The following NEXMIF variants were observed in gnomAD, a reference collection of about 807,000 sequenced individuals.
The protein encoded by NEXMIF is XLMR protein related to neurite extension.
NEXMIF carries 8 observed loss-of-function variants against 62.1 expected under a neutral mutation model. The ratio of observed to expected loss-of-function variants is 0.13; its 90% CI spans 0.08 to 0.23. The LOEUF is 0.23. Among genes scored for constraint, NEXMIF ranks in the 10% least tolerant of loss-of-function variants. The pLI is 1.00. For missense variants in NEXMIF, 976 were observed against 1,113.3 expected (o/e 0.88, Z 1.75); for synonymous variants, 404 against 416.6 (o/e 0.97, Z 0.37).
At chrX:74,905,660 A>G (rs1407079349) in intron 1 of NEXMIF, among the ~76,000 whole-genome samples, 1 of 110,371 alleles carries the variant, frequency 9.1e-6, no homozygotes, top group African/African-American at 3.3e-5. Flanking sequence ...AAATACAAAG[A>G]TTTGCCAGGC....
At chrX:74,772,890 G>C (rs1041853877) in intron 1 of NEXMIF, among the ~76,000 whole-genome samples, 8 of 111,338 alleles carry the variant, frequency 7.2e-5, no homozygotes, top group African/African-American at 2.6e-4. Flanking sequence ...AAATAACTGG[G>C]GGGTGGGGGA....
chrX:74,872,127 T>C (rs1237070182), intron 1 of NEXMIF, among the ~76,000 whole-genome samples: 2 of 111,454 alleles, frequency 1.8e-5, no homozygotes, highest in African/African-American at 3.3e-5. Flanking sequence ...TAAATGTCCA[T>C]GAAATCTTCA....
intron 1 of NEXMIF, among the ~76,000 whole-genome samples, chrX:74,876,217 C>A (rs761152366): frequency 5.8e-4 from 64 of 111,250 alleles, no homozygotes; most frequent in African/African-American, 2.0e-3. Flanking sequence ...TTTCAAAGAA[C>A]ATCTTTATTT....
At chrX:74,924,235 G>C (rs948309600) in intron 1 of NEXMIF, among the ~76,000 whole-genome samples, 1 of 111,794 alleles carries the variant, frequency 8.9e-6, no homozygotes, top group Non-Finnish European at 1.9e-5. Flanking sequence ...AGAAGCGCCA[G>C]AAGCCACACA....
At chrX:74,875,170 C>G (rs1464455812) in intron 1 of NEXMIF, among the ~76,000 whole-genome samples, 1 of 110,800 alleles carries the variant, frequency 9.0e-6, no homozygotes, top group African/African-American at 3.3e-5. Flanking sequence ...CATGTCCCAT[C>G]AATACCTAAT....
chrX:74,889,079 A>C (rs2147364117), intron 1 of NEXMIF, among the ~76,000 whole-genome samples: 1 of 112,128 alleles, frequency 8.9e-6, no homozygotes, highest in Non-Finnish European at 1.9e-5. Flanking sequence ...TACCTTGAAA[A>C]TTATAAAGCA....
intron 1 of NEXMIF, among the ~76,000 whole-genome samples, chrX:74,881,018 A>T (rs763514122): frequency 1.8e-5 from 2 of 111,213 alleles, no homozygotes; most frequent in Non-Finnish European, 3.8e-5. Context: ...CCATCCTCAA[A>T]CCCCAAAAGC....
At chrX:74,887,847 A>C (rs2080701978) in intron 1 of NEXMIF, among the ~76,000 whole-genome samples, 1 of 111,895 alleles carries the variant, frequency 8.9e-6, no homozygotes, top group Admixed American at 9.5e-5. Flanking sequence ...ACATGCACAC[A>C]TATGTTTATT....
chrX:74,757,980 C>A (rs749795401), intron 1 of NEXMIF, among the ~76,000 whole-genome samples: 2 of 111,443 alleles, frequency 1.8e-5, no homozygotes, highest in African/African-American at 3.3e-5. Flanking sequence ...TTAGCCAGTT[C>A]GAAGATGTTA....
intron 1 of NEXMIF, among the ~76,000 whole-genome samples, chrX:74,836,044 C>T (rs967230686): frequency 2.7e-5 from 3 of 112,963 alleles, no homozygotes; most frequent in African/African-American, 9.6e-5. Context: ...AGAGGCCTCT[C>T]CCTGTCACCA....
chrX:74,806,088 T>A, intron 1 of NEXMIF, among the ~76,000 whole-genome samples: 1 of 111,947 alleles, frequency 8.9e-6, no homozygotes, highest in African/African-American at 3.2e-5. Context: ...GATTTGCAAA[T>A]ATTTTTTCCC....
At chrX:74,789,464 A>T (rs1450529771) in intron 1 of NEXMIF, among the ~76,000 whole-genome samples, 2 of 110,326 alleles carry the variant, frequency 1.8e-5, no homozygotes, top group Non-Finnish European at 3.8e-5. Flanking sequence ...TAGCAGCATG[A>T]TTTATAGTCC....
At chrX:74,860,961 C>A (rs2080555167) in intron 1 of NEXMIF, among the ~76,000 whole-genome samples, 1 of 111,481 alleles carries the variant, frequency 9.0e-6, no homozygotes, top group African/African-American at 3.2e-5. Flanking sequence ...AAACCAAAAC[C>A]TGGCTATTTG....
chrX:74,898,619 A>G (rs2080739711), intron 1 of NEXMIF, among the ~76,000 whole-genome samples: 1 of 111,985 alleles, frequency 8.9e-6, no homozygotes. Context: ...ATATGTTAAT[A>G]ATAGGAGAAG....
At chrX:74,879,195 T>G (rs965404629) in intron 1 of NEXMIF, among the ~76,000 whole-genome samples, 6 of 112,079 alleles carry the variant, frequency 5.4e-5, no homozygotes, top group African/African-American at 1.9e-4. Flanking sequence ...GTACACTCTA[T>G]GATGTTGGTA....
At chrX:74,887,420 C>G (rs1368723931) in intron 1 of NEXMIF, among the ~76,000 whole-genome samples, 1 of 111,515 alleles carries the variant, frequency 9.0e-6, no homozygotes, top group Non-Finnish European at 1.9e-5. Context: ...GGGCTAATAT[C>G]CAGAATCTAC....
intron 1 of NEXMIF, among the ~76,000 whole-genome samples, chrX:74,776,457 G>A (rs1350117004): frequency 9.0e-6 from 1 of 111,319 alleles, no homozygotes; most frequent in Non-Finnish European, 1.9e-5. Flanking sequence ...CGGGCGCGGT[G>A]GCTCACGCCT....
At chrX:74,855,357 C>A (rs1267719116) in intron 1 of NEXMIF, among the ~76,000 whole-genome samples, 2 of 112,001 alleles carry the variant, frequency 1.8e-5, no homozygotes, top group African/African-American at 6.5e-5. Context: ...AATGGATATT[C>A]ATATGTAGAA....
intron 1 of NEXMIF, among the ~76,000 whole-genome samples, chrX:74,842,406 T>G (rs1343049467): frequency 8.9e-6 from 1 of 111,910 alleles, no homozygotes; most frequent in Non-Finnish European, 1.9e-5. Flanking sequence ...TCTATCTTAT[T>G]AATTTTTCCA....
Sources: gnomAD v4.1 joint callset for allele counts (sites outside exome capture counted in the v4.1 genomes callset) on GRCh38, gnomAD v4.1.1 for gene constraint, MANE v1.5 for transcripts, NCBI Gene and HGNC (gene_info 2026-07-23, HGNC 2026-07-21) for gene names.